Variants in DAPK1 observed in about 807,000 individuals in gnomAD.
DAPK1 encodes the protein death-associated protein kinase 1.
A neutral mutation model predicts 144.9 loss-of-function variants in DAPK1; 56 were observed. The observed-to-expected ratio is 0.39, with a 90% CI of 0.31 to 0.48. The LOEUF (loss-of-function observed/expected upper bound fraction) is 0.48. Among genes scored for constraint, DAPK1 ranks in the 20% least tolerant of loss-of-function variants. The probability of loss-of-function intolerance (pLI) is 0.95; values close to 1 mark genes in which losing one functional copy is unlikely to be tolerated. For synonymous variants in DAPK1, 690 were observed against 749.0 expected (o/e 0.92, Z 1.29); for missense variants, 1,454 against 1,875.4 (o/e 0.78, Z 4.15).
chr9:87,565,630 A>G (rs933108862), intron 2 of DAPK1, among the ~76,000 whole-genome samples: 1 of 152,312 alleles, frequency 6.6e-6, no homozygotes, highest in Middle Eastern at 3.4e-3. Flanking sequence ...GAGAAGTAAA[A>G]TGATGAGGAA....
chr9:87,563,331 C>G (rs77524270), intron 2 of DAPK1, among the ~76,000 whole-genome samples: 3,918 of 152,218 alleles, frequency 0.026, 152 homozygotes, highest in African/African-American at 0.082. Flanking sequence ...TTTTAAGCTC[C>G]TTGAATGCTT....
At chr9:87,665,053 C>A (rs984640125) in intron 18 of DAPK1, among the ~76,000 whole-genome samples, 7 of 152,128 alleles carry the variant, frequency 4.6e-5, no homozygotes, top group Non-Finnish European at 1.5e-5. Flanking sequence ...TCGAGCTTCA[C>A]CTTCTCAGGG....
intron 3 of DAPK1, among the ~76,000 whole-genome samples, chr9:87,631,545 A>G (rs1050327270): frequency 6.6e-6 from 1 of 152,228 alleles, no homozygotes; most frequent in African/African-American, 2.4e-5. Context: ...TAAAGCCATA[A>G]TTTAAAACAC....
chr9:87,680,810 C>T (rs1056692038), intron 19 of DAPK1, among the ~76,000 whole-genome samples: 1 of 152,130 alleles, frequency 6.6e-6, no homozygotes, highest in Non-Finnish European at 1.5e-5. Context: ...CAAGTGACTG[C>T]TCACGGGTAC....
At chr9:87,554,951 T>C (rs1315757949) in intron 2 of DAPK1, among the ~76,000 whole-genome samples, 1 of 152,196 alleles carries the variant, frequency 6.6e-6, no homozygotes, top group Non-Finnish European at 1.5e-5. Flanking sequence ...TGGTATCAGT[T>C]GTAGAGGCCC....
In DAPK1 at chr9:87,643,394, T is replaced by C; in HGVS notation, c.937T>C (p.Ser313Pro). 1 of 1,567,256 alleles carries C rather than the reference T, an allele frequency of 6.4e-7. No individual in the cohort carries two copies. Among genetic ancestry groups the C allele is most frequent in the Non-Finnish European group, 8.7e-7 (1 of 1,147,508 alleles). ...KKWKQSVRLISLCQRLSRSFL... is the reference protein window; with the variant it reads ...KKWKQSVRLIPLCQRLSRSFL... Reference sequence around the variant, plus strand: ...AAAAAAGCAATCCGTTCGCTTGATATCACTGTGCCAAAGATTATCCAGGTC... The same window carrying C: ...AAAAAAGCAATCCGTTCGCTTGATACCACTGTGCCAAAGATTATCCAGGTC... Residue 313 changes from serine (S) to proline (P), a missense_variant, in exon 11 of 26, where the codon TCA becomes CCA. Physicochemically the swap from Ser to Pro is moderately conservative, Grantham distance 74. Around this residue, in one of 2 missense-constraint regions of DAPK1, gnomAD observed 429 missense variants for 637.5 expected, o/e 0.67. Coordinates refer to ENST00000408954, the MANE Select transcript of DAPK1 (RefSeq NM_004938.4).
chr9:87,510,171 T>C (rs1158741626), intron 2 of DAPK1, among the ~76,000 whole-genome samples: 1 of 152,190 alleles, frequency 6.6e-6, no homozygotes, highest in Non-Finnish European at 1.5e-5. Context: ...ACCCCTTCGT[T>C]GGCTGGAAGA....
chr9:87,553,208 C>T (rs762873291), intron 2 of DAPK1, among the ~76,000 whole-genome samples: 6 of 151,638 alleles, frequency 4.0e-5, no homozygotes, highest in Non-Finnish European at 7.4e-5. Context: ...CTCATCAGAC[C>T]TGAGTATTTT....
At chr9:87,615,493 C>G (rs568303501) in intron 3 of DAPK1, among the ~76,000 whole-genome samples, 1 of 152,322 alleles carries the variant, frequency 6.6e-6, no homozygotes, top group South Asian at 2.1e-4. Context: ...CCCTGGACGA[C>G]AGAAGTGTCA....
At chr9:87,698,503 C>T (rs1825337516) in intron 22 of DAPK1, 153 bp from the exon 23 acceptor site, 3 of 648,786 alleles carry the variant, frequency 4.6e-6, no homozygotes, top group Admixed American at 2.5e-5. Context: ...TCACAGTGCA[C>T]AGCAGGCGTG....
intron 22 of DAPK1, 89 bp downstream of exon 22, chr9:87,697,293 C>G: frequency 1.4e-6 from 1 of 705,964 alleles, no homozygotes; most frequent in Non-Finnish European, 2.6e-6. Context: ...CTGCTCCTGC[C>G]ACTGCTGCTG....
Position 87,602,815 on chromosome 9 carries a change from G to C in DAPK1, c.63-2139G>C, listed in dbSNP as rs577242490. On this transcript the variant is annotated intron_variant, in intron 2 of 25. Transcript: ENST00000408954. Reference sequence around the variant, plus strand: ...CACCTGGCTAATTTTTGTATTTTTAGTAGAGACGGGGTTTCACCATGTTGG... The same window carrying C: ...CACCTGGCTAATTTTTGTATTTTTACTAGAGACGGGGTTTCACCATGTTGG... Among the ~76,000 whole-genome samples, 91 of 152,072 alleles carry C rather than the reference G, an allele frequency of 6.0e-4. 1 individual carries two copies. The highest frequency in any genetic ancestry group is 3.4e-3 in the Middle Eastern group (1 of 294).
chr9:87,561,198 G>C (rs1463693625), intron 2 of DAPK1, among the ~76,000 whole-genome samples: 1 of 152,118 alleles, frequency 6.6e-6, no homozygotes, highest in African/African-American at 2.4e-5. Context: ...CAAGAGTTGA[G>C]CCTTTATGCC....
chr9:87,510,070 G>A (rs1410842627), intron 2 of DAPK1, among the ~76,000 whole-genome samples: 2 of 152,174 alleles, frequency 1.3e-5, no homozygotes, highest in East Asian at 1.9e-4. Flanking sequence ...ACAGCCTCAG[G>A]CATCCGTTTC....
At chr9:87,628,989 T>C (rs2119080519) in intron 3 of DAPK1, among the ~76,000 whole-genome samples, 1 of 152,210 alleles carries the variant, frequency 6.6e-6, no homozygotes, top group East Asian at 1.9e-4. Context: ...GCTTGCAGCT[T>C]GCAAGGAGTT....
intron 18 of DAPK1, among the ~76,000 whole-genome samples, chr9:87,658,570 G>C (rs1042644161): frequency 1.8e-4 from 28 of 152,270 alleles, no homozygotes; most frequent in African/African-American, 6.5e-4. Flanking sequence ...GCCAGGTGCC[G>C]TAAGCAGGAG....
chr9:87,611,303 G>T (rs1306563784), intron 3 of DAPK1, among the ~76,000 whole-genome samples: 1 of 152,118 alleles, frequency 6.6e-6, no homozygotes, highest in Non-Finnish European at 1.5e-5. Context: ...GGACCTAGGC[G>T]TTTGCATTTT....
At chr9:87,583,018 C>CG (rs1564007133) in intron 2 of DAPK1, among the ~76,000 whole-genome samples, 2 of 151,994 alleles carry the variant, frequency 1.3e-5, no homozygotes, top group Non-Finnish European at 2.9e-5. Context: ...TCTGCGATCT[C>CG]GGGATTTGTC....
At chr9:87,593,615 G>T (rs577816147) in intron 2 of DAPK1, among the ~76,000 whole-genome samples, 5 of 152,116 alleles carry the variant, frequency 3.3e-5, no homozygotes, top group Non-Finnish European at 7.3e-5. Context: ...GTTCTTCCCC[G>T]TATTGAATCT....
Sources: allele counts gnomAD v4.1 joint callset (sites outside exome capture counted in the v4.1 genomes callset), GRCh38; gene constraint gnomAD v4.1.1; regional missense constraint gnomAD v4.1.1; transcripts MANE v1.5; gene names NCBI Gene and HGNC (gene_info 2026-07-23, HGNC 2026-07-21).